The following MTUS1 variants were observed in gnomAD, a reference collection of about 807,000 sequenced individuals.
MTUS1 encodes microtubule associated scaffold protein 1.
Under a neutral mutation model 120.8 loss-of-function variants are expected in MTUS1, and 109 were observed. The ratio of observed to expected loss-of-function variants is 0.90; its 90% confidence interval spans 0.77 to 1.06. The LOEUF is 1.06. Ranked by LOEUF, MTUS1 falls within the 50% of genes least tolerant of loss-of-function variation. MTUS1 has a pLI of 0.00. For synonymous variants in MTUS1, 737 were observed against 550.5 expected, an observed-to-expected ratio of 1.34 and a Z score of -4.74; for missense variants, 2,210 against 1,486.3, an observed-to-expected ratio of 1.49 and a Z score of -8.01.
chr8:17,676,410 G>C, intron 7 of MTUS1: 1 of 699,276 alleles, frequency 1.4e-6, no homozygotes, highest in Non-Finnish European at 2.6e-6. Flanking sequence ...CCACCAGTCG[G>C]GTCTGTCTAC....
At chr8:17,734,013 C>T (rs542283641) in intron 3 of MTUS1, among the ~76,000 whole-genome samples, 3 of 152,248 alleles carry the variant, frequency 2.0e-5, no homozygotes, top group Middle Eastern at 3.4e-3. Flanking sequence ...AACCATTAAG[C>T]GAACTTTGGT....
At chr8:17,679,352 CGCGCGT>C (rs923690538) in intron 7 of MTUS1, among the ~76,000 whole-genome samples, 4 of 135,594 alleles carry the variant, frequency 2.9e-5, no homozygotes, top group African/African-American at 1.3e-4. Context: ...CATGTGTGCG[CGCGCGT>C]GTGTGTGTGT....
intron 6 of MTUS1, chr8:17,691,483 C>T (rs1373062231): frequency 6.6e-6 from 1 of 152,224 alleles, no homozygotes; most frequent in African/African-American, 2.4e-5. Context: ...TTCATCACAC[C>T]AGTTCTTAGC....
intron 8 of MTUS1, among the ~76,000 whole-genome samples, chr8:17,670,990 G>A (rs1811901583): frequency 6.6e-6 from 1 of 152,082 alleles, no homozygotes; most frequent in Non-Finnish European, 1.5e-5. Flanking sequence ...TCTAGGGGGA[G>A]GGGTGTTCCA....
At chr8:17,693,241 C>T (rs1008420198) in intron 6 of MTUS1, 10 of 152,172 alleles carry the variant, frequency 6.6e-5, no homozygotes, top group African/African-American at 9.7e-5. Context: ...GGTAAAAAGA[C>T]TATTGCTGAC....
intron 1 of MTUS1, among the ~76,000 whole-genome samples, chr8:17,769,891 C>CAA (rs2049888801): frequency 2.3e-5 from 1 of 43,470 alleles, no homozygotes. Flanking sequence ...TACACACACA[C>CAA]ACACACACAC....
At chr8:17,735,114 G>A (rs777704983) in intron 3 of MTUS1, among the ~76,000 whole-genome samples, 2 of 151,920 alleles carry the variant, frequency 1.3e-5, no homozygotes, top group Non-Finnish European at 2.9e-5. Context: ...CTTTTCTGAT[G>A]GTTTCCTTAG....
chr8:17,651,454 A>G (rs1806973725), intron 12 of MTUS1: 1 of 152,164 alleles, frequency 6.6e-6, no homozygotes. Flanking sequence ...CACGTACCCC[A>G]TAAGTACATG....
chr8:17,661,171 T>C (rs1381378957), intron 8 of MTUS1, among the ~76,000 whole-genome samples: 2 of 152,154 alleles, frequency 1.3e-5, no homozygotes, highest in Non-Finnish European at 2.9e-5. Context: ...TTTCCGACTC[T>C]GAAGGCTCCT....
At chr8:17,660,509 A>G (rs563611114) in intron 8 of MTUS1, among the ~76,000 whole-genome samples, 4 of 152,292 alleles carry the variant, frequency 2.6e-5, no homozygotes, top group African/African-American at 9.6e-5. Context: ...GGACAAATAC[A>G]TGCCCGAGTC....
intron 1 of MTUS1, among the ~76,000 whole-genome samples, chr8:17,775,699 C>T (rs573572750): frequency 1.3e-5 from 2 of 152,328 alleles, no homozygotes; most frequent in South Asian, 4.1e-4. Flanking sequence ...AAGATGTTTT[C>T]GATGTAGCTG....
rs200531297 is a variant in MTUS1, at chr8:17,697,283, C to G, written c.2624-12741G>C. The G allele has an allele frequency of 8.7e-6, 14 of 1,614,040 alleles. No individual in the cohort carries two copies. The Admixed American group carries it at 1.3e-4, about 15-fold the overall frequency. On this transcript the variant is annotated intron_variant, in intron 6 of 14. Coordinates refer to ENST00000693296, the MANE Select transcript of MTUS1 (RefSeq NM_001363059.2). The stretch of plus-strand genomic sequence containing the variant: ...TGTGTGGAAAACAACAGTGCTTCTC[C>G]TAAACCCTGAAGGAAGTCGAAGGTT...
intron 8 of MTUS1, among the ~76,000 whole-genome samples, chr8:17,670,822 T>TAAAAAAAAAAA (rs540891587): frequency 7.2e-4 from 107 of 149,048 alleles, no homozygotes; most frequent in African/African-American, 2.5e-3. Context: ...ACCCTGTCTT[T>TAAAAAAAAAAA]AAAAAAAAAA....
At chr8:17,703,260 T>C (rs73578464) in intron 6 of MTUS1, among the ~76,000 whole-genome samples, 72,241 of 151,914 alleles carry the variant, frequency 0.48, 18,127 homozygotes, top group Middle Eastern at 0.64. Context: ...AGGAATATAA[T>C]ATTAAGACCC....
At chr8:17,724,592 A>G (rs1163274963) in intron 3 of MTUS1, among the ~76,000 whole-genome samples, 1 of 152,170 alleles carries the variant, frequency 6.6e-6, no homozygotes, top group Non-Finnish European at 1.5e-5. Flanking sequence ...TGCAGTAAAA[A>G]TGTTTCCACT....
At chr8:17,730,702 C>T (rs1055227266) in intron 3 of MTUS1, among the ~76,000 whole-genome samples, 4 of 152,130 alleles carry the variant, frequency 2.6e-5, no homozygotes, top group African/African-American at 9.7e-5. Context: ...ACCTTGAGGA[C>T]ACGGTGCTAA....
intron 12 of MTUS1, among the ~76,000 whole-genome samples, chr8:17,650,927 C>A (rs1211313722): frequency 6.6e-6 from 1 of 152,226 alleles, no homozygotes; most frequent in Non-Finnish European, 1.5e-5. Context: ...GTGGTGTGGT[C>A]ATCAAGCTTA....
At chr8:17,683,095 A>G (rs148142029) in intron 7 of MTUS1, among the ~76,000 whole-genome samples, 2,249 of 152,214 alleles carry the variant, frequency 0.015, 53 homozygotes, top group African/African-American at 0.052. Flanking sequence ...ACACAGTGAA[A>G]CCCCGTCTCT....
At chr8:17,724,532 GTTTA>G (rs2131122923) in intron 3 of MTUS1, among the ~76,000 whole-genome samples, 1 of 151,610 alleles carries the variant, frequency 6.6e-6, no homozygotes, top group Non-Finnish European at 1.5e-5. Context: ...TCCCCACACA[GTTTA>G]TTTGCCAAAC....
Sources: allele counts gnomAD v4.1 joint callset (sites outside exome capture counted in the v4.1 genomes callset), GRCh38; gene constraint gnomAD v4.1.1; transcripts MANE v1.5; gene names NCBI Gene and HGNC (gene_info 2026-07-23, HGNC 2026-07-21).